The following PXDN variants were observed in gnomAD, a reference collection of about 807,000 sequenced individuals.
PXDN encodes the protein peroxidasin.
Under a neutral mutation model 140.3 loss-of-function variants are expected in PXDN, and 77 were observed. The observed-to-expected ratio is 0.55, with a 90% CI of 0.46 to 0.66. PXDN has a LOEUF of 0.66. PXDN is among the 30% of genes least tolerant of loss of function. The probability of loss-of-function intolerance (pLI) is 0.00; values close to 1 mark genes in which losing one functional copy is unlikely to be tolerated. For synonymous variants in PXDN, 911 were observed against 857.4 expected (o/e 1.06, Z -1.09); for missense variants, 1,838 against 2,039.5 (o/e 0.90, Z 1.90).
Position 1,648,262 on chromosome 2 carries a change from T to C in PXDN, c.3518A>G (p.Tyr1173Cys), listed in dbSNP as rs753214896. The change falls in exon 17 of 23, where the codon TAC becomes TGC. Residue 1173 changes from tyrosine to cysteine, a missense_variant. By Grantham distance (194) the Tyr-to-Cys change is radical (BLOSUM62 -2). Around this residue, in one of 5 missense-constraint regions of PXDN, gnomAD observed 850 missense variants for 894.1 expected, o/e 0.95. Coordinates refer to ENST00000252804, the MANE Select transcript of PXDN (RefSeq NM_012293.3). This position sits in a 1 kb window ranked among gnomAD's most constrained non-coding sequence, Gnocchi z 8.9. ...RDHGIPPYHD[Y>C]RVYCNLSAAH... ...CGCCGATAGATTGCAGTAGACCCTG[T>C]AGTCGTGGTAGGGTGGGATCCCGTG... 7 of 1,613,834 alleles carry C rather than the reference T, an allele frequency of 4.3e-6. No homozygotes were observed. The highest frequency in any genetic ancestry group is 1.6e-4 in the Middle Eastern group (1 of 6,084).
rs776420613 is a variant in PXDN at position 1,638,958 on chromosome 2, T to C, written c.4094A>G (p.His1365Arg). 4 of 1,613,980 alleles carry C rather than the reference T, an allele frequency of 2.5e-6. No individual in the cohort carries two copies. The highest frequency in any genetic ancestry group is 3.4e-6 in the Non-Finnish European group (4 of 1,179,866). The stretch of plus-strand genomic sequence containing the variant: ...GAAGGCTGAGGTGCTGTTGCTGAGA[T>C]GTTCCCCCTGTCTCCCAACACTGTG... Reference protein sequence around the residue: ...KIPSVGRQGEHLSNSTSAFST... With the variant: ...KIPSVGRQGERLSNSTSAFST... The change falls in exon 21 of 23, where the codon CAT (histidine) becomes CGT (arginine). Residue 1365 changes from histidine (H) to arginine (R), a missense_variant. By Grantham distance (29) the His-to-Arg change is conservative. Transcript: ENST00000252804.
rs1046288896 is a variant in PXDN at position 1,692,018 on chromosome 2, A to T, written c.273-19T>A. The T allele has an allele frequency of 1.4e-6, 2 of 1,473,408 alleles. No homozygotes were observed. The highest frequency in any genetic ancestry group is 2.4e-5 in the Admixed American group (1 of 41,672). The allele number at this position is 1,473,408 out of a possible 1,614,324, so 91.3% of individuals were successfully genotyped here. A position where few individuals can be genotyped will look rare whatever the true frequency, so the allele number is the denominator to read the frequency against. On this transcript the variant is annotated intron_variant, in intron 2 of 22. Transcript: ENST00000252804. ...GAGAAGCCTATGAAAGAGAGTCGATAAGAATTTTAAAAAACAACAGAAAAC... is the reference window on the plus strand; with the variant it reads ...GAGAAGCCTATGAAAGAGAGTCGATTAGAATTTTAAAAAACAACAGAAAAC...
At chr2:1,712,413 G>A (rs935269536) in intron 1 of PXDN, among the ~76,000 whole-genome samples, 1 of 152,118 alleles carries the variant, frequency 6.6e-6, no homozygotes, top group Non-Finnish European at 1.5e-5. Context: ...TGTTTTACTG[G>A]GTTCAACTTT....
rs751456739 is a variant in PXDN at position 1,648,873 on chromosome 2, G to A, written c.2907C>T (p.Pro969=). The A allele has an allele frequency of 3.2e-5, 51 of 1,602,516 alleles. No homozygotes were observed. The highest frequency in any genetic ancestry group is 4.2e-5 in the Non-Finnish European group (50 of 1,177,560). The stretch of plus-strand genomic sequence containing the variant: ...CGCGGTGGTCCCCGGCCAGGAAGCA[G>A]GGGATGGGGCTCTCGTTCTCGTCCC... ...CMRDENESPI[P]CFLAGDHRAN... is the part of the protein sequence containing the mutation. Residue 969 remains proline (P), a synonymous_variant, in exon 17 of 23, where the codon CCC becomes CCT. Coordinates refer to ENST00000252804, the MANE Select transcript of PXDN (RefSeq NM_012293.3). The surrounding 1 kb of genome is among the most constrained non-coding windows in gnomAD (Gnocchi z 8.9).
chr2:1,693,908 C>T (rs897350748), intron 1 of PXDN, among the ~76,000 whole-genome samples: 5 of 152,176 alleles, frequency 3.3e-5, no homozygotes, highest in African/African-American at 4.8e-5. Context: ...ACGGAGGCCA[C>T]GGGCCTGGGG....
chr2:1,738,630 C>T (rs768955486), intron 1 of PXDN, among the ~76,000 whole-genome samples: 70 of 151,538 alleles, frequency 4.6e-4, no homozygotes, highest in Non-Finnish European at 7.9e-4. Context: ...CTCACTACAA[C>T]CTCCGCCTCC....
chr2:1,638,953 T>A lies in PXDN; in HGVS notation c.4099A>T (p.Ser1367Cys), dbSNP rs772207378. ...PSVGRQGEHL[S>C]NSTSAFSTRS... is the part of the protein sequence containing the mutation. ...GTGCTGAAGGCTGAGGTGCTGTTGC[T>A]GAGATGTTCCCCCTGTCTCCCAACA... The change falls in exon 21 of 23, where the codon AGC becomes TGC. Residue 1367 changes from serine to cysteine, a missense_variant. Physicochemically the swap from Ser to Cys is moderately radical, Grantham distance 112. Coordinates refer to ENST00000252804, the MANE Select transcript of PXDN (RefSeq NM_012293.3). The A allele has an allele frequency of 6.2e-7, 1 of 1,613,936 alleles. No homozygotes were observed. The highest frequency in any genetic ancestry group is 1.7e-5 in the Admixed American group (1 of 60,022).
intron 1 of PXDN, among the ~76,000 whole-genome samples, chr2:1,742,415 G>A (rs1351957170): frequency 6.6e-6 from 1 of 152,180 alleles, no homozygotes; most frequent in African/African-American, 2.4e-5. Flanking sequence ...AGTGTTGTGC[G>A]AGTGGACGAT....
chr2:1,684,182 C>A, intron 4 of PXDN, 31 bp from the exon 5 acceptor site: 1 of 1,526,734 alleles, frequency 6.5e-7, no homozygotes, highest in Non-Finnish European at 8.9e-7. Context: ...AAAAGTATAA[C>A]TTACAATTTA....
intron 1 of PXDN, among the ~76,000 whole-genome samples, chr2:1,736,411 G>A (rs570827747): frequency 1.3e-5 from 2 of 152,330 alleles, no homozygotes; most frequent in East Asian, 1.9e-4. Flanking sequence ...AGGAGAGATG[G>A]AGGGACGGCC....
intron 17 of PXDN, among the ~76,000 whole-genome samples, chr2:1,647,709 G>A (rs1396571448): frequency 3.9e-5 from 6 of 152,206 alleles, no homozygotes; most frequent in African/African-American, 1.4e-4. Flanking sequence ...GGGGCTGGTG[G>A]CCCCAAGGGC....
intron 1 of PXDN, among the ~76,000 whole-genome samples, chr2:1,708,726 G>A (rs1014318533): frequency 2.6e-5 from 4 of 152,122 alleles, no homozygotes; most frequent in East Asian, 1.9e-4. Context: ...TGAGTTGCAC[G>A]GGCACTGGGC....
At position 1,733,748 on chromosome 2, in the gene PXDN, C is replaced by CAAAAAA. The variant is rs72208257; in HGVS notation, c.200+10502_200+10507dup. Among the ~76,000 whole-genome samples the CAAAAAA allele has an allele frequency of 3.8e-3, 299 of 79,130 alleles. 12 individuals are homozygous for CAAAAAA. Among genetic ancestry groups the CAAAAAA allele is most frequent in the African/African-American group, 0.01 (195 of 19,252 alleles). 51.9% of individuals were successfully genotyped at this position (79,130 alleles called of 152,430 possible). On this transcript the variant is annotated intron_variant, in intron 1 of 22. Coordinates refer to ENST00000252804, the MANE Select transcript of PXDN (RefSeq NM_012293.3). The stretch of plus-strand genomic sequence containing the variant: ...CAGAGCAAGATTCTGTGTCAAATGA[C>CAAAAAA]AAAAAAAAAAAAAAAAAAAGCAGTG...
intron 19 of PXDN, among the ~76,000 whole-genome samples, chr2:1,642,102 T>G (rs1484817186): frequency 6.6e-6 from 1 of 152,120 alleles, no homozygotes; most frequent in Non-Finnish European, 1.5e-5. Context: ...GCAAGCATAA[T>G]TTTATTTTTT....
Position 1,639,518 on chromosome 2 carries a change from C to A in PXDN, c.3953-96G>T. The A allele has an allele frequency of 6.4e-7, 1 of 1,563,284 alleles. No homozygotes were observed. The highest frequency in any genetic ancestry group is 1.2e-5 in the South Asian group (1 of 86,772). On this transcript the variant is annotated intron_variant, in intron 19 of 22. Transcript: ENST00000252804. The surrounding 1 kb of genome is among the most constrained non-coding windows in gnomAD (Gnocchi z 5.0). ...CCAACTATGAAGTCTTCACTGGCTG[C>A]CCGTGGAACAAACTGTGGCACATTT... is the stretch of plus-strand genomic sequence containing the variant.
rs1406242117 is a variant in PXDN at position 1,643,349 on chromosome 2, T to C, written c.3952+19A>G. On this transcript the variant is annotated intron_variant, in intron 19 of 22. Coordinates refer to ENST00000252804, the MANE Select transcript of PXDN (RefSeq NM_012293.3). Reference sequence around the variant, plus strand: ...ACCAGGGATGAAAAAGGAACAGACATGGTGCCCCTGGCACGCACCTTCACA... The same window carrying C: ...ACCAGGGATGAAAAAGGAACAGACACGGTGCCCCTGGCACGCACCTTCACA... The C allele has an allele frequency of 2.2e-5, 35 of 1,607,688 alleles. No individual in the cohort carries two copies. Among genetic ancestry groups the C allele is most frequent in the Non-Finnish European group, 2.8e-5 (33 of 1,175,082 alleles).
intron 1 of PXDN, among the ~76,000 whole-genome samples, chr2:1,732,364 T>C (rs1685331520): frequency 6.6e-6 from 1 of 152,002 alleles, no homozygotes; most frequent in Non-Finnish European, 1.5e-5. Context: ...CTGCACAAAC[T>C]GCCCACAGCC....
At chr2:1,690,746 T>C (rs1684167700) in intron 3 of PXDN, among the ~76,000 whole-genome samples, 1 of 151,494 alleles carries the variant, frequency 6.6e-6, no homozygotes, top group South Asian at 2.1e-4. Context: ...ATCATGTTTA[T>C]ATGAAATTAA....
At chr2:1,701,667 T>C (rs1288795138) in intron 1 of PXDN, among the ~76,000 whole-genome samples, 1 of 152,030 alleles carries the variant, frequency 6.6e-6, no homozygotes, top group Non-Finnish European at 1.5e-5. Flanking sequence ...GGTCCAGTGG[T>C]AGTGCTCATG....
Sources: allele counts gnomAD v4.1 joint callset (sites outside exome capture counted in the v4.1 genomes callset), GRCh38; gene constraint gnomAD v4.1.1; regional missense constraint gnomAD v4.1.1; non-coding constraint Gnocchi (gnomAD v3.1); transcripts MANE v1.5; gene names NCBI Gene and HGNC (gene_info 2026-07-23, HGNC 2026-07-21).